GRK4: variants seen among roughly 807,000 people sequenced by gnomAD.
GRK4 encodes the protein G protein-coupled receptor kinase 4.
GRK4 carries 73 observed loss-of-function variants against 77.9 expected under a neutral mutation model. The observed-to-expected ratio is 0.94, with a 90% CI of 0.78 to 1.14. GRK4 has a LOEUF of 1.14. Among genes scored for constraint, GRK4 ranks in the 50% most tolerant of loss-of-function variants. The pLI is 0.00. For missense variants in GRK4, 729 were observed against 700.2 expected, an observed-to-expected ratio of 1.04 and a Z score of -0.46; for synonymous variants, 257 against 254.4, an observed-to-expected ratio of 1.01 and a Z score of -0.10.
chr4:2,988,802 C>T lies in GRK4; in HGVS notation c.224C>T (p.Pro75Leu). The part of the protein sequence containing the change: ...RLFRQFCDTK[P>L]TLKRHIEFLD... Reference sequence around the variant, plus strand: ...TTCAGGCAGTTCTGTGATACCAAACCCACTCTAAAGAGGCACATTGAATTC... The same window carrying T: ...TTCAGGCAGTTCTGTGATACCAAACTCACTCTAAAGAGGCACATTGAATTC... The change falls in exon 3 of 16, where the codon CCC becomes CTC. Residue 75 changes from proline (P) to leucine (L), a missense_variant. Coordinates refer to ENST00000398052, the MANE Select transcript of GRK4 (RefSeq NM_182982.3). The T allele has an allele frequency of 6.2e-7, 1 of 1,612,420 alleles. No individual in the cohort carries two copies. The highest frequency in any genetic ancestry group is 8.5e-7 in the Non-Finnish European group (1 of 1,178,572).
intron 2 of GRK4, among the ~76,000 whole-genome samples, chr4:2,986,277 T>A (rs1724309081): frequency 7.9e-6 from 1 of 127,178 alleles, no homozygotes; most frequent in African/African-American, 3.3e-5. Flanking sequence ...GGTAGAACAT[T>A]TCCTTTTTTT....
At chr4:2,977,619 T>G (rs1372607116) in intron 1 of GRK4, among the ~76,000 whole-genome samples, 2 of 152,204 alleles carry the variant, frequency 1.3e-5, no homozygotes, top group African/African-American at 4.8e-5. Flanking sequence ...GTGAGTAGAC[T>G]GTGCTTTGTG....
chr4:3,027,834 C>CT (rs1016896956), intron 10 of GRK4, 78 bp from the exon 11 acceptor site: 6 of 1,221,286 alleles, frequency 4.9e-6, no homozygotes, highest in Admixed American at 3.7e-5. Context: ...TTTGAGGGGC[C>CT]TTTTTTCCCA....
At chr4:3,006,376 G>A (rs1237709520) in intron 5 of GRK4, among the ~76,000 whole-genome samples, 5 of 138,634 alleles carry the variant, frequency 3.6e-5, no homozygotes, top group Admixed American at 7.1e-5. Flanking sequence ...GCAAAACTCC[G>A]CCTCAAAAAA....
At chr4:3,006,129 C>G (rs865939302) in intron 5 of GRK4, among the ~76,000 whole-genome samples, 7 of 152,100 alleles carry the variant, frequency 4.6e-5, no homozygotes, top group Non-Finnish European at 8.8e-5. Context: ...CCTGTAATCC[C>G]AACACTTTGG....
Position 3,035,466 on chromosome 4 carries a change from G to T in GRK4, c.1350G>T (p.Lys450Asn). Residue 450 changes from lysine to asparagine, a missense_variant, in exon 13 of 16, where the codon AAG becomes AAT. Transcript: ENST00000398052. ...GGGTGAAGCAGCACCCCGTGTTCAA[G>T]GACATCAACTTCAGGAGGCTGGAGG... ...AAGVKQHPVF[K>N]DINFRRLEAN... 1 of 1,614,032 alleles carries T rather than the reference G, an allele frequency of 6.2e-7. No homozygotes were observed. The highest frequency in any genetic ancestry group is 8.5e-7 in the Non-Finnish European group (1 of 1,179,974).
intron 7 of GRK4, 112 bp downstream of exon 7, chr4:3,009,823 T>G: frequency 1.6e-6 from 1 of 642,132 alleles, no homozygotes; most frequent in Non-Finnish European, 2.7e-6. Context: ...GTTGCCTTAG[T>G]GGGTGTTTTG....
At chr4:2,972,399 G>A (rs1336764173) in intron 1 of GRK4, among the ~76,000 whole-genome samples, 3 of 152,126 alleles carry the variant, frequency 2.0e-5, no homozygotes, top group Non-Finnish European at 4.4e-5. Flanking sequence ...GACCGGGCCC[G>A]GGCCAAACAG....
chr4:2,969,642 C>T (rs1035180925), intron 1 of GRK4, among the ~76,000 whole-genome samples: 3 of 151,564 alleles, frequency 2.0e-5, no homozygotes, highest in East Asian at 1.9e-4. Flanking sequence ...TCCCAAAGTG[C>T]TAGGATTTAC....
At chr4:3,017,008 G>A (rs1734743122) in intron 8 of GRK4, among the ~76,000 whole-genome samples, 1 of 152,220 alleles carries the variant, frequency 6.6e-6, no homozygotes, top group South Asian at 2.1e-4. Context: ...CTGACCCATG[G>A]CAGTAATGCC....
intron 2 of GRK4, among the ~76,000 whole-genome samples, chr4:2,986,198 G>C (rs1434369692): frequency 6.6e-6 from 1 of 150,786 alleles, no homozygotes; most frequent in Admixed American, 6.6e-5. Context: ...AATACTGGTT[G>C]TTGTCAGTAT....
rs935509994 is a variant in GRK4, at chr4:3,007,811, A to G, written c.519A>G (p.Gln173=). ...GCTCATATTTTTCTCAGTTTTTACAATGGAAATGGCTGGAAAGGTATGTAC... is the reference window on the plus strand; with the variant it reads ...GCTCATATTTTTCTCAGTTTTTACAGTGGAAATGGCTGGAAAGGTATGTAC... ...QESSYFSQFL[Q]WKWLERQPVT... is the part of the protein sequence containing the mutation. Residue 173 remains glutamine (Q), a synonymous_variant, in exon 6 of 16, where the codon CAA becomes CAG. Coordinates refer to ENST00000398052, the MANE Select transcript of GRK4 (RefSeq NM_182982.3). The G allele has an allele frequency of 2.5e-6, 4 of 1,611,554 alleles. No homozygotes were observed. Among genetic ancestry groups the G allele is most frequent in the Non-Finnish European group, 2.5e-6 (3 of 1,178,316 alleles).
At chr4:2,977,386 G>A (rs1230795523) in intron 1 of GRK4, among the ~76,000 whole-genome samples, 1 of 152,174 alleles carries the variant, frequency 6.6e-6, no homozygotes, top group Admixed American at 6.5e-5. Context: ...ACTGAATAAC[G>A]CAGAGCTCCG....
chr4:2,985,962 G>T lies in GRK4; in HGVS notation c.148+1354G>T, dbSNP rs1310126131. ...ATCCCACCACTGCACTCCAGCCTGG[G>T]TGACAGAACAAGACTCCGTCTCAAA... is the stretch of plus-strand genomic sequence containing the variant. On this transcript the variant is annotated intron_variant, in intron 2 of 15. Transcript: ENST00000398052. The T allele has an allele frequency of 2.2e-5, 3 of 139,042 alleles. No homozygotes were observed. The Admixed American group carries it at 2.2e-4, about 10-fold the overall frequency. 8.6% of individuals were successfully genotyped at this position (139,042 alleles called of 1,614,324 possible). A position where few individuals can be genotyped will look rare whatever the true frequency, so the allele number is the denominator to read the frequency against.
intron 12 of GRK4, among the ~76,000 whole-genome samples, chr4:3,034,043 A>C (rs1739900021): frequency 6.6e-6 from 1 of 152,224 alleles, no homozygotes; most frequent in Non-Finnish European, 1.5e-5. Flanking sequence ...CAGCCTGGCA[A>C]TAATGGCGCG....
intron 2 of GRK4, among the ~76,000 whole-genome samples, chr4:2,987,550 C>T (rs1724775279): frequency 6.6e-6 from 1 of 152,094 alleles, no homozygotes. Context: ...TTGGGTTGTT[C>T]CAAGTTTTTG....
Position 3,037,412 on chromosome 4 carries a change from G to A in GRK4, c.1446G>A (p.Glu482=). The A allele has an allele frequency of 6.2e-7, 1 of 1,609,890 alleles. No individual in the cohort carries two copies. The highest frequency in any genetic ancestry group is 8.5e-7 in the Non-Finnish European group (1 of 1,176,612). The stretch of plus-strand genomic sequence containing the variant: ...ACTGTAAGGACGTCCTGGATATCGA[G>A]CAGTTCTCGGTGGTGAAAGGGATCT... ...AVYCKDVLDI[E]QFSVVKGIYL... is the part of the protein sequence containing the mutation. The change falls in exon 14 of 16, where the codon GAG becomes GAA. Residue 482 remains glutamate, a synonymous_variant. Transcript: ENST00000398052.
chr4:2,988,779 C>G lies in GRK4; in HGVS notation c.201C>G (p.Phe67Leu). 2.5e-6 allele frequency: 4 copies of G among 1,613,392 alleles called. No individual in the cohort carries two copies. The highest frequency in any genetic ancestry group is 3.4e-6 in the Non-Finnish European group (4 of 1,179,420). Residue 67 changes from phenylalanine (F) to leucine (L), a missense_variant, in exon 3 of 16, where the codon TTC becomes TTG. Coordinates refer to ENST00000398052, the MANE Select transcript of GRK4 (RefSeq NM_182982.3). ...CDKQPIGRRL[F>L]RQFCDTKPTL... ...AGCAACCGATAGGAAGACGTCTCTT[C>G]AGGCAGTTCTGTGATACCAAACCCA...
At chr4:3,036,252 G>A (rs890694246) in intron 13 of GRK4, among the ~76,000 whole-genome samples, 2 of 152,190 alleles carry the variant, frequency 1.3e-5, no homozygotes, top group Admixed American at 1.3e-4. Context: ...CTGGGACTGT[G>A]GCCTGGCCCC....
Sources: gnomAD v4.1 joint callset for allele counts (sites outside exome capture counted in the v4.1 genomes callset) on GRCh38, gnomAD v4.1.1 for gene constraint, MANE v1.5 for transcripts, NCBI Gene and HGNC (gene_info 2026-07-23, HGNC 2026-07-21) for gene names.